CR1L: variants seen among roughly 807,000 people sequenced by gnomAD.
CR1L encodes complement component receptor 1-like protein.
Under a neutral mutation model 62.3 loss-of-function variants are expected in CR1L, and 59 were observed. The ratio of observed to expected loss-of-function variants is 0.95; its 90% CI spans 0.77 to 1.18. The LOEUF (loss-of-function observed/expected upper bound fraction) is 1.18, where lower values mean the gene tolerates loss of function less well. CR1L is among the 50% of genes most tolerant of loss of function. CR1L has a pLI of 0.00. For synonymous variants in CR1L, 279 were observed against 248.7 expected (o/e 1.12, Z -1.15); for missense variants, 700 against 702.8 (o/e 1.00, Z 0.04).
At position 207,673,256 on chromosome 1, in the gene CR1L, G is replaced by A. The variant is rs145603965; in HGVS notation, c.98-4133G>A. 8.6e-3 allele frequency among the ~76,000 whole-genome samples: 1,310 copies of A among 152,186 alleles called. 18 individuals are homozygous for A. The highest frequency in any genetic ancestry group is 0.024 in the African/African-American group (1,014 of 41,518). ...GTGTTAAGTGATCATGATTAACAGA[G>A]CATTTAAAATGTTTATTTTATCTGT... On this transcript the variant is annotated intron_variant, in intron 1 of 11. Coordinates refer to ENST00000508064, the MANE Select transcript of CR1L (RefSeq NM_175710.2).
At chr1:207,704,918 A>T (rs1664246151) in intron 9 of CR1L, among the ~76,000 whole-genome samples, 1 of 152,188 alleles carries the variant, frequency 6.6e-6, no homozygotes, top group Admixed American at 6.5e-5. Flanking sequence ...GAATGTCTGT[A>T]ACACAAAATG....
chr1:207,660,423 C>A (rs1663392344), intron 1 of CR1L, among the ~76,000 whole-genome samples: 1 of 152,210 alleles, frequency 6.6e-6, no homozygotes, highest in Non-Finnish European at 1.5e-5. Flanking sequence ...CTCCAACACA[C>A]CTGCAGCTGA....
chr1:207,699,335 C>T, intron 8 of CR1L, 61 bp downstream of exon 8: 1 of 1,587,442 alleles, frequency 6.3e-7, no homozygotes, highest in Non-Finnish European at 8.6e-7. Flanking sequence ...AGTATTTGAC[C>T]CATGACCTCC....
chr1:207,709,486 AAATT>A (rs1409741809), intron 10 of CR1L, among the ~76,000 whole-genome samples: 1 of 152,204 alleles, frequency 6.6e-6, no homozygotes, highest in African/African-American at 2.4e-5. Flanking sequence ...AGAGAGAACT[AAATT>A]AATAATGGTG....
At chr1:207,718,956 T>C (rs1300751685) in intron 11 of CR1L, among the ~76,000 whole-genome samples, 1 of 149,342 alleles carries the variant, frequency 6.7e-6, no homozygotes, top group Non-Finnish European at 1.5e-5. Flanking sequence ...ATGTCCTTTG[T>C]AGGGACATGG....
At chr1:207,694,948 A>G (rs992735410) in intron 5 of CR1L, among the ~76,000 whole-genome samples, 197 bp downstream of exon 5, 10 of 152,252 alleles carry the variant, frequency 6.6e-5, no homozygotes, top group Admixed American at 1.3e-4. Flanking sequence ...CTAAACCTGG[A>G]CAAGGAACGT....
At chr1:207,674,391 G>A (rs758538904) in intron 1 of CR1L, among the ~76,000 whole-genome samples, 4 of 152,096 alleles carry the variant, frequency 2.6e-5, no homozygotes, top group Non-Finnish European at 5.9e-5. Flanking sequence ...CTTATGGTAG[G>A]TCTTGAGTTT....
chr1:207,677,356 T>G, intron 1 of CR1L, 33 bp from the exon 2 acceptor site: 1 of 1,211,716 alleles, frequency 8.3e-7, no homozygotes, highest in East Asian at 2.8e-5. Context: ...ATTTCTCCAT[T>G]AACTTCGATG....
At chr1:207,706,204 G>A (rs1320709661) in intron 9 of CR1L, among the ~76,000 whole-genome samples, 3 of 151,706 alleles carry the variant, frequency 2.0e-5, no homozygotes, top group African/African-American at 7.3e-5. Flanking sequence ...AGAATCACTT[G>A]ACCCCAGGAC....
At chr1:207,658,973 A>T (rs935240222) in intron 1 of CR1L, 1 of 152,336 alleles carries the variant, frequency 6.6e-6, no homozygotes, top group African/African-American at 2.4e-5. Context: ...AGTTCTTACG[A>T]CAACCTGGAC....
rs182530566 is a variant in CR1L at position 207,687,177 on chromosome 1, C to A, written c.463+3220C>A. Among the ~76,000 whole-genome samples the A allele has an allele frequency of 2.0e-5, 3 of 152,220 alleles. No individual in the cohort carries two copies. The East Asian group carries it at 5.8e-4, about 29-fold the overall frequency. On this transcript the variant is annotated intron_variant, in intron 4 of 11. Coordinates refer to ENST00000508064, the MANE Select transcript of CR1L (RefSeq NM_175710.2). ...ATTTTGATATCAAACTTATGACAGTCTTATAAAGCCAGCTGGTAGTGTTTC... is the reference window on the plus strand; with the variant it reads ...ATTTTGATATCAAACTTATGACAGTATTATAAAGCCAGCTGGTAGTGTTTC...
At chr1:207,653,050 G>GA (rs573222958) in intron 1 of CR1L, 630 of 204,970 alleles carry the variant, frequency 3.1e-3, no homozygotes, top group African/African-American at 0.014. Flanking sequence ...AAACTGGATT[G>GA]AAAAAATCTC....
At chr1:207,662,341 C>T (rs910575097) in intron 1 of CR1L, among the ~76,000 whole-genome samples, 19 of 152,188 alleles carry the variant, frequency 1.2e-4, no homozygotes, top group South Asian at 1.0e-3. Flanking sequence ...AGGCTTTGTT[C>T]ATTTCTTTTT....
Position 207,645,161 on chromosome 1 carries a change from G to T in CR1L, c.-73G>T. On this transcript the variant is annotated 5_prime_UTR_variant, in exon 1 of 12. Transcript: ENST00000508064. Reference sequence around the variant, plus strand: ...GTGTCCACTAACCGGACTCAGAAGGGACTTCCCTGCTCGGCTGGCTTTCGG... The same window carrying T: ...GTGTCCACTAACCGGACTCAGAAGGTACTTCCCTGCTCGGCTGGCTTTCGG... 1 of 1,476,992 alleles carries T rather than the reference G, an allele frequency of 6.8e-7. No homozygotes were observed. The highest frequency in any genetic ancestry group is 9.4e-7 in the Non-Finnish European group (1 of 1,063,928). The allele number at this position is 1,476,992 out of a possible 1,614,324, so 91.5% of individuals were successfully genotyped here. A position where few individuals can be genotyped will look rare whatever the true frequency, so the allele number is the denominator to read the frequency against.
intron 11 of CR1L, among the ~76,000 whole-genome samples, chr1:207,719,564 A>C (rs192668379): frequency 7.2e-4 from 109 of 151,976 alleles, no homozygotes; most frequent in African/African-American, 2.3e-3. Context: ...TACAAAAAAT[A>C]AAAAAAATTA....
At position 207,697,518 on chromosome 1, in the gene CR1L, C is replaced by G. The variant is rs1664120228; in HGVS notation, c.878C>G (p.Pro293Arg). The G allele has an allele frequency of 6.2e-7, 1 of 1,613,670 alleles. No individual in the cohort carries two copies. The highest frequency in any genetic ancestry group is 8.5e-7 in the Non-Finnish European group (1 of 1,179,732). ...CTCTCCCCAGTATGTCAGCCACCTC[C>G]AGATGTCCTGCATGCTGAGCGTACC... ...PSCSRVCQPP[P>R]DVLHAERTQR... The change falls in exon 6 of 12, where the codon CCA becomes CGA. Residue 293 changes from proline (P) to arginine (R), a missense_variant. Coordinates refer to ENST00000508064, the MANE Select transcript of CR1L (RefSeq NM_175710.2).
intron 3 of CR1L, among the ~76,000 whole-genome samples, chr1:207,683,071 T>A (rs1397720832): frequency 6.7e-6 from 1 of 149,730 alleles, no homozygotes; most frequent in Non-Finnish European, 1.5e-5. Flanking sequence ...TCTTTCTTTC[T>A]CTTTCTTTCT....
intron 1 of CR1L, among the ~76,000 whole-genome samples, chr1:207,648,174 AACAC>A (rs71154832): frequency 0.48 from 60,022 of 125,174 alleles, 14,785 homozygotes; most frequent in Admixed American, 0.57. Context: ...CCCGGTCTCA[AACAC>A]ACACACACAC....
rs201873320 is a variant in CR1L at position 207,717,594 on chromosome 1, C to A, written c.1545C>A (p.Asn515Lys). The change falls in exon 11 of 12, where the codon AAC becomes AAA. Residue 515 changes from asparagine (N) to lysine (K), a missense_variant. Physicochemically the swap from Asn to Lys is moderately conservative, Grantham distance 94 (BLOSUM62 0). Transcript: ENST00000508064. ...DPHPDRGMTF[N>K]LIGESTIRRT... ...ACCCAGACAGAGGGATGACCTTCAA[C>A]CTCATTGGGGAGAGCACCATCCGCC... is the stretch of plus-strand genomic sequence containing the variant. 8.5e-4 allele frequency: 1,379 copies of A among 1,613,966 alleles called. 2 individuals are homozygous for A. The highest frequency in any genetic ancestry group is 1.1e-3 in the Non-Finnish European group (1,296 of 1,179,882).
Sources: allele counts gnomAD v4.1 joint callset (sites outside exome capture counted in the v4.1 genomes callset), GRCh38; gene constraint gnomAD v4.1.1; transcripts MANE v1.5; gene names NCBI Gene and HGNC (gene_info 2026-07-23, HGNC 2026-07-21).